The following USP47 variants were observed in gnomAD, a reference collection of about 807,000 sequenced individuals.
USP47 encodes the protein ubiquitin carboxyl-terminal hydrolase 47.
In USP47, 35 loss-of-function variants were observed where a neutral mutation model predicts 165.1. The observed-to-expected ratio is 0.21, with a 90% confidence interval of 0.16 to 0.28. The LOEUF is 0.28. Ranked by LOEUF, USP47 falls within the 10% of genes least tolerant of loss-of-function variation. The pLI is 1.00. For synonymous variants in USP47, 531 were observed against 544.5 expected (o/e 0.98, Z 0.35); for missense variants, 1,277 against 1,607.4 (o/e 0.79, Z 3.52).
At chr11:11,919,788 G>A (rs1001245842) in intron 8 of USP47, among the ~76,000 whole-genome samples, 1 of 151,804 alleles carries the variant, frequency 6.6e-6, no homozygotes, top group African/African-American at 2.4e-5. Context: ...CCTTTTATAA[G>A]AAGATTGATG....
At chr11:11,907,520 C>T (rs1452111036) in intron 8 of USP47, among the ~76,000 whole-genome samples, 1 of 152,130 alleles carries the variant, frequency 6.6e-6, no homozygotes, top group Non-Finnish European at 1.5e-5. Flanking sequence ...AATCTATAAC[C>T]TAACTCTTCT....
At position 11,961,721 on chromosome 11, in the gene USP47, C is replaced by T. The variant is rs1201372301; in HGVS notation, c.*5546C>T. Among the ~76,000 whole-genome samples, 1 of 152,240 alleles carries T rather than the reference C, an allele frequency of 6.6e-6. No homozygotes were observed. Among genetic ancestry groups the T allele is most frequent in the Non-Finnish European group, 1.5e-5 (1 of 68,030 alleles). Reference sequence around the variant, plus strand: ...AAAAATTCCAGAAACTCTGGGAGCCCTCCCCTTACATTTCCTGGGTCATGG... The same window carrying T: ...AAAAATTCCAGAAACTCTGGGAGCCTTCCCCTTACATTTCCTGGGTCATGG... On this transcript the variant is annotated 3_prime_UTR_variant, in exon 28 of 28. Transcript: ENST00000527733.
At chr11:11,897,308 A>G (rs1219621790) in intron 4 of USP47, among the ~76,000 whole-genome samples, 2 of 152,000 alleles carry the variant, frequency 1.3e-5, no homozygotes, top group Admixed American at 6.6e-5. Context: ...AGTAACACAT[A>G]CTTTACTGAA....
intron 3 of USP47, among the ~76,000 whole-genome samples, chr11:11,885,645 C>T (rs1043928399): frequency 2.0e-5 from 3 of 152,126 alleles, no homozygotes; most frequent in Non-Finnish European, 4.4e-5. Flanking sequence ...AGGAGTTTTA[C>T]ATACTCTGAC....
chr11:11,866,327 C>G (rs1372372302), intron 1 of USP47, among the ~76,000 whole-genome samples: 1 of 152,144 alleles, frequency 6.6e-6, no homozygotes, highest in Non-Finnish European at 1.5e-5. Context: ...GGATAAGACT[C>G]AAGGCTCAGG....
At chr11:11,858,187 T>G (rs2134177087) in intron 1 of USP47, among the ~76,000 whole-genome samples, 1 of 152,290 alleles carries the variant, frequency 6.6e-6, no homozygotes, top group South Asian at 2.1e-4. Context: ...GCTTCTTTTG[T>G]ACATTTTGTC....
chr11:11,862,457 A>AT (rs1849439023), intron 1 of USP47, among the ~76,000 whole-genome samples: 1 of 151,670 alleles, frequency 6.6e-6, no homozygotes, highest in Non-Finnish European at 1.5e-5. Flanking sequence ...TGTCTTTATG[A>AT]TTTTCTGAAG....
chr11:11,927,832 AT>A (rs1269114082), intron 11 of USP47, among the ~76,000 whole-genome samples: 4 of 152,134 alleles, frequency 2.6e-5, no homozygotes, highest in Non-Finnish European at 4.4e-5. Context: ...ATCATGCTAC[AT>A]TTGGATGAAG....
Position 11,880,322 on chromosome 11 carries a change from G to T in USP47, c.185G>T (p.Gly62Val). Reference protein sequence around the residue: ...KLFEDVANKVGYINGTFDLVW... With the variant: ...KLFEDVANKVVYINGTFDLVW... ...TTTGAAGATGTGGCCAACAAAGTAGGCTACATAAATGGAACCTTTGACTTG... is the reference window on the plus strand; with the variant it reads ...TTTGAAGATGTGGCCAACAAAGTAGTCTACATAAATGGAACCTTTGACTTG... Residue 62 changes from glycine (G) to valine (V), a missense_variant, in exon 2 of 28, where the codon GGC becomes GTC. Gly to Val is a moderately radical substitution (Grantham distance 109). Transcript: ENST00000527733. 7.2e-7 allele frequency: 1 copy of T among 1,386,630 alleles called. No individual in the cohort carries two copies. Among genetic ancestry groups the T allele is most frequent in the Middle Eastern group, 1.8e-4 (1 of 5,438 alleles). 85.9% of individuals were successfully genotyped at this position (1,386,630 alleles called of 1,614,324 possible). A position where few individuals can be genotyped will look rare whatever the true frequency, so the allele number is the denominator to read the frequency against.
In USP47 at chr11:11,948,552, A is replaced by G. The variant is rs1019467870; in HGVS notation, c.3342A>G (p.Glu1114=). Residue 1114 remains glutamate, a synonymous_variant, in exon 22 of 28, where the codon GAA becomes GAG. Coordinates refer to ENST00000527733, the MANE Select transcript of USP47 (RefSeq NM_001282659.2). ...RVKVYQLLVN[E]QEPCKFLLDA... ...AAGTATACCAGCTTTTGGTCAATGA[A>G]CAAGAGGTAAGTAATACGTTTAAGA... 9.3e-6 allele frequency: 15 copies of G among 1,608,522 alleles called. No individual in the cohort carries two copies. Among genetic ancestry groups the G allele is most frequent in the Middle Eastern group, 3.3e-4 (2 of 5,982 alleles).
intron 1 of USP47, among the ~76,000 whole-genome samples, chr11:11,844,706 A>G (rs1848329359): frequency 1.3e-5 from 2 of 152,162 alleles, no homozygotes; most frequent in South Asian, 2.1e-4. Context: ...TTAATGGCTT[A>G]TTATCAATAA....
chr11:11,897,511 C>T lies in USP47; in HGVS notation c.497-86C>T, dbSNP rs1040787334. 5.9e-6 allele frequency: 6 copies of T among 1,023,220 alleles called. No homozygotes were observed. In the African/African-American group the frequency reaches 9.8e-5, roughly 17 times the overall value. The allele number at this position is 1,023,220 out of a possible 1,614,324, so 63.4% of individuals were successfully genotyped here. A position where few individuals can be genotyped will look rare whatever the true frequency, so the allele number is the denominator to read the frequency against. ...TGAGTAGTAACTTTAACCTCTGAAT[C>T]TTTACTGTGAATTAAATTCTTATTA... On this transcript the variant is annotated intron_variant, in intron 4 of 27. Coordinates refer to ENST00000527733, the MANE Select transcript of USP47 (RefSeq NM_001282659.2).
chr11:11,894,650 TTC>T (rs1407745587), intron 4 of USP47, among the ~76,000 whole-genome samples: 2 of 152,224 alleles, frequency 1.3e-5, no homozygotes, highest in African/African-American at 4.8e-5. Flanking sequence ...TTGCTTTGTC[TTC>T]TGACAATTGA....
At chr11:11,916,216 A>G (rs761339332) in intron 8 of USP47, among the ~76,000 whole-genome samples, 4 of 152,204 alleles carry the variant, frequency 2.6e-5, no homozygotes, top group Non-Finnish European at 5.9e-5. Flanking sequence ...CGGGAGGTCA[A>G]GGCAGAGGAT....
Position 11,940,472 on chromosome 11 carries a change from G to T in USP47, c.2237G>T (p.Arg746Leu). The change falls in exon 19 of 28, where the codon CGC (arginine) becomes CTC (leucine). Residue 746 changes from arginine (R) to leucine (L), a missense_variant. Physicochemically the swap from Arg to Leu is moderately radical, Grantham distance 102. Transcript: ENST00000527733. Reference protein sequence around the residue: ...PAETMRIVLERCYNDLRLLSV... With the variant: ...PAETMRIVLELCYNDLRLLSV... ...GAAACAATGAGAATAGTGCTGGAAC[G>T]CTGCTACAATGATTTGCGTCTTCTC... 2 of 1,611,776 alleles carry T rather than the reference G, an allele frequency of 1.2e-6. No homozygotes were observed. The highest frequency in any genetic ancestry group is 2.2e-5 in the South Asian group (2 of 90,964).
chr11:11,933,686 A>T (rs1325825832), intron 15 of USP47, 145 bp from the exon 16 acceptor site: 1 of 563,890 alleles, frequency 1.8e-6, no homozygotes, highest in Non-Finnish European at 3.1e-6. Context: ...GTCAATTACT[A>T]AGTGAGAAAG....
chr11:11,943,092 G>A lies in USP47; in HGVS notation c.3071G>A (p.Gly1024Asp), dbSNP rs761898022. ...FKAEPYAADE[G>D]SGEGHKWLMV... The stretch of plus-strand genomic sequence containing the variant: ...GCTGAACCTTATGCTGCAGATGAAG[G>A]TTCTGGGGAAGGACATAAATGTATG... The change falls in exon 20 of 28, where the codon GGT becomes GAT. Residue 1024 changes from glycine (G) to aspartate (D), a missense_variant. Gly to Asp is a moderately conservative substitution (Grantham distance 94). Transcript: ENST00000527733. 2.5e-6 allele frequency: 4 copies of A among 1,611,790 alleles called. No individual in the cohort carries two copies. Among genetic ancestry groups the A allele is most frequent in the African/African-American group, 2.7e-5 (2 of 74,848 alleles).
Position 11,960,861 on chromosome 11 carries a change from T to C in USP47, c.*4686T>C, listed in dbSNP as rs1847421614. 6.6e-6 allele frequency among the ~76,000 whole-genome samples: 1 copy of C among 152,164 alleles called. No homozygotes were observed. The highest frequency in any genetic ancestry group is 2.4e-5 in the African/African-American group (1 of 41,422). On this transcript the variant is annotated 3_prime_UTR_variant, in exon 28 of 28. Transcript: ENST00000527733. ...AGACCACAGGAATACCTAATGCCTT[T>C]TTTCTCTTCCTGTCTTTGTCCCTCA...
chr11:11,946,711 CAT>C (rs1855866866), intron 20 of USP47, among the ~76,000 whole-genome samples: 1 of 152,086 alleles, frequency 6.6e-6, no homozygotes. Flanking sequence ...GGATTATTGA[CAT>C]AGAGGGGCAC....
Sources: allele counts gnomAD v4.1 joint callset (sites outside exome capture counted in the v4.1 genomes callset), GRCh38; gene constraint gnomAD v4.1.1; transcripts MANE v1.5; gene names NCBI Gene and HGNC (gene_info 2026-07-23, HGNC 2026-07-21).